Variants in FGF14 observed in about 807,000 individuals in gnomAD.
FGF14 encodes fibroblast growth factor homologous factor 4.
FGF14 carries 5 observed loss-of-function variants against 25.5 expected under a neutral mutation model. The observed-to-expected ratio is 0.20, with a 90% CI of 0.10 to 0.41. FGF14 has a LOEUF of 0.41. Ranked by LOEUF, FGF14 falls within the 10% of genes least tolerant of loss-of-function variation. The pLI is 1.00. For missense variants in FGF14, 222 were observed against 320.1 expected, an observed-to-expected ratio of 0.69 and a Z score of 2.34; for synonymous variants, 138 against 118.3, an observed-to-expected ratio of 1.17 and a Z score of -1.08.
chr13:102,313,786 T>C (rs952219719), intron 1 of FGF14, among the ~76,000 whole-genome samples: 2 of 152,190 alleles, frequency 1.3e-5, no homozygotes, highest in African/African-American at 4.8e-5. Flanking sequence ...GGAAAATCAT[T>C]CAGGCATCAA....
rs1036539055 is a variant in FGF14, at chr13:102,246,549, T to C, written c.208+154922A>G. Reference sequence around the variant, plus strand: ...GAGAAACACAAATCCTTGTTATTCATTGGGGAAAATGAGGAAATTTTATAT... The same window carrying C: ...GAGAAACACAAATCCTTGTTATTCACTGGGGAAAATGAGGAAATTTTATAT... On this transcript the variant is annotated intron_variant, in intron 1 of 4. Transcript: ENST00000376131. 4.6e-5 allele frequency among the ~76,000 whole-genome samples: 7 copies of C among 151,996 alleles called. No homozygotes were observed. In the East Asian group the frequency reaches 5.8e-4, roughly 13 times the overall value.
At position 102,170,265 on chromosome 13, in the gene FGF14, A is replaced by C. The variant is rs183579784; in HGVS notation, c.208+231206T>G. On this transcript the variant is annotated intron_variant, in intron 1 of 4. Transcript: ENST00000376131. Reference sequence around the variant, plus strand: ...TCAATAGATCCTAGCTTTCAAGTCTATTAATCTCCATGAGGGCACAAAAAT... The same window carrying C: ...TCAATAGATCCTAGCTTTCAAGTCTCTTAATCTCCATGAGGGCACAAAAAT... Among the ~76,000 whole-genome samples the C allele has an allele frequency of 1.6e-3, 250 of 152,194 alleles. 1 individual carries two copies. Among genetic ancestry groups the C allele is most frequent in the African/African-American group, 5.6e-3 (231 of 41,540 alleles).
At position 102,279,930 on chromosome 13, in the gene FGF14, C is replaced by A. The variant is rs1268818630; in HGVS notation, c.208+121541G>T. 2.0e-5 allele frequency among the ~76,000 whole-genome samples: 3 copies of A among 152,192 alleles called. No homozygotes were observed. The South Asian group carries it at 6.2e-4, about 31-fold the overall frequency. On this transcript the variant is annotated intron_variant, in intron 1 of 4. Transcript: ENST00000376131. ...TCCCTAATATTATACAGATTCTTTC[C>A]TGCATTTACATCTATTGGAAACAGA... is the stretch of plus-strand genomic sequence containing the variant.
chr13:101,967,080 G>T (rs2037257183), intron 1 of FGF14, among the ~76,000 whole-genome samples: 3 of 152,168 alleles, frequency 2.0e-5, no homozygotes, highest in Admixed American at 1.3e-4. Flanking sequence ...CACAAAGCTA[G>T]CATCTCTGTG....
At chr13:101,813,509 C>A (rs2041682657) in intron 3 of FGF14, among the ~76,000 whole-genome samples, 1 of 152,120 alleles carries the variant, frequency 6.6e-6, no homozygotes, top group Non-Finnish European at 1.5e-5. Flanking sequence ...CACCAAATGC[C>A]AGTGGCTTGA....
At chr13:101,946,382 A>T (rs2035809160) in intron 1 of FGF14, among the ~76,000 whole-genome samples, 1 of 151,874 alleles carries the variant, frequency 6.6e-6, no homozygotes, top group African/African-American at 2.4e-5. Context: ...AAAAAAAAAA[A>T]AAGAGGCTGA....
intron 1 of FGF14, among the ~76,000 whole-genome samples, chr13:101,922,359 A>G (rs945260284): frequency 6.6e-6 from 1 of 152,166 alleles, no homozygotes; most frequent in Admixed American, 6.5e-5. Flanking sequence ...CAAACATGAC[A>G]AACAGTTTGA....
At chr13:102,275,245 T>TCTCTCC (rs2053464771) in intron 1 of FGF14, among the ~76,000 whole-genome samples, 3 of 101,494 alleles carry the variant, frequency 3.0e-5, no homozygotes, top group Non-Finnish European at 5.9e-5. Flanking sequence ...TCTCTCTCTC[T>TCTCTCC]CTCTCTCTCT....
intron 1 of FGF14, among the ~76,000 whole-genome samples, chr13:102,312,169 G>C (rs2055802672): frequency 7.1e-6 from 1 of 139,968 alleles, no homozygotes; most frequent in South Asian, 2.3e-4. Context: ...CCTCTCTTTT[G>C]TACTCTCTGA....
intron 1 of FGF14, among the ~76,000 whole-genome samples, chr13:102,266,329 G>A (rs2052991716): frequency 6.6e-6 from 1 of 152,116 alleles, no homozygotes; most frequent in East Asian, 1.9e-4. Context: ...TAGAAGAGCT[G>A]AAGAGAGAGG....
chr13:102,117,493 A>G (rs1193419414), intron 1 of FGF14, among the ~76,000 whole-genome samples: 1 of 152,218 alleles, frequency 6.6e-6, no homozygotes, highest in Non-Finnish European at 1.5e-5. Context: ...GAGCTTTGAA[A>G]AATACTGGTA....
intron 3 of FGF14, among the ~76,000 whole-genome samples, chr13:101,828,284 CA>C (rs1220134842): frequency 6.6e-6 from 1 of 151,922 alleles, no homozygotes; most frequent in East Asian, 1.9e-4. Flanking sequence ...ATGACTAAGT[CA>C]AGCAAAGTGC....
rs1432296937 is a variant in FGF14, at chr13:102,213,866, C to G, written c.208+187605G>C. The stretch of plus-strand genomic sequence containing the variant: ...AAACAACCTGTAGGTCTTCCTGTCT[C>G]CTTTAACTAGGAGACAGCTCAGTCT... On this transcript the variant is annotated intron_variant, in intron 1 of 4. Coordinates refer to the FGF14 transcript ENST00000376131. 2.0e-5 allele frequency among the ~76,000 whole-genome samples: 3 copies of G among 152,152 alleles called. No individual in the cohort carries two copies. In the East Asian group the frequency reaches 5.8e-4, roughly 29 times the overall value.
rs58666555 is a variant in FGF14, at chr13:101,981,082, A to AACACACACACACACACACAC, written c.209-105806_209-105787dup. Among the ~76,000 whole-genome samples the AACACACACACACACACACAC allele has an allele frequency of 9.7e-5, 12 of 123,782 alleles. No individual in the cohort carries two copies. In the East Asian group the frequency reaches 1.4e-3, roughly 14 times the overall value. The allele number at this position is 123,782 out of a possible 152,430, so 81.2% of individuals were successfully genotyped here. Reference sequence around the variant, plus strand: ...CATGGTGAAACCTCGTCTCTACTAAAACACACACACACACACACACACACA... The same window carrying AACACACACACACACACACAC: ...CATGGTGAAACCTCGTCTCTACTAAAACACACACACACACACACACACACACACACACACACACACACACA... On this transcript the variant is annotated intron_variant, in intron 1 of 4. Coordinates refer to the FGF14 transcript ENST00000376131.
At chr13:101,734,638 A>T (rs954208315) in intron 3 of FGF14, among the ~76,000 whole-genome samples, 2 of 150,230 alleles carry the variant, frequency 1.3e-5, no homozygotes, top group African/African-American at 4.8e-5. Flanking sequence ...TATTAACAAT[A>T]ATAATGATGT....
intron 1 of FGF14, among the ~76,000 whole-genome samples, chr13:101,911,513 C>T (rs1183124405): frequency 6.6e-6 from 1 of 152,112 alleles, no homozygotes; most frequent in Non-Finnish European, 1.5e-5. Flanking sequence ...AGGTATTAAA[C>T]ATTTTCAGAA....
At chr13:101,819,237 A>G (rs1165508305) in intron 3 of FGF14, among the ~76,000 whole-genome samples, 2 of 152,224 alleles carry the variant, frequency 1.3e-5, no homozygotes, top group Non-Finnish European at 2.9e-5. Context: ...GACAAATTAA[A>G]TCATCTAAAG....
chr13:102,034,972 G>A (rs2041397987), intron 1 of FGF14, among the ~76,000 whole-genome samples: 1 of 152,048 alleles, frequency 6.6e-6, no homozygotes, highest in South Asian at 2.1e-4. Context: ...TTGAATCCTG[G>A]ATGTCTAATA....
intron 1 of FGF14, among the ~76,000 whole-genome samples, chr13:102,216,861 A>G (rs562926096): frequency 6.6e-6 from 1 of 152,178 alleles, no homozygotes; most frequent in Non-Finnish European, 1.5e-5. Flanking sequence ...TTCTAAGTCA[A>G]TGAGAACAAC....
Sources: allele counts gnomAD v4.1 joint callset (sites outside exome capture counted in the v4.1 genomes callset), GRCh38; gene constraint gnomAD v4.1.1; transcripts MANE v1.5; gene names NCBI Gene and HGNC (gene_info 2026-07-23, HGNC 2026-07-21).